The following DHRS4L2 variants were observed in gnomAD, a reference collection of about 807,000 sequenced individuals.
The protein encoded by DHRS4L2 is dehydrogenase/reductase 4 like 2.
In DHRS4L2, 22 loss-of-function variants were observed where a neutral mutation model predicts 23.9. The observed-to-expected ratio is 0.92, with a 90% CI of 0.66 to 1.31. The LOEUF is 1.31. Ranked by LOEUF, DHRS4L2 falls within the 40% of genes most tolerant of loss-of-function variation. The probability of loss-of-function intolerance (pLI) is 0.00; values close to 1 mark genes in which losing one functional copy is unlikely to be tolerated. For missense variants in DHRS4L2, 385 were observed against 303.3 expected (o/e 1.27, Z -2.00); for synonymous variants, 141 against 123.7 (o/e 1.14, Z -0.93).
At chr14:23,993,245 T>C (rs1453002944) in intron 2 of DHRS4L2, among the ~76,000 whole-genome samples, 8 of 151,676 alleles carry the variant, frequency 5.3e-5, no homozygotes, top group Non-Finnish European at 2.9e-5. Flanking sequence ...CCAGGTGACT[T>C]GGCTTTGTGC....
At chr14:23,993,816 C>T (rs1190834596) in intron 2 of DHRS4L2, among the ~76,000 whole-genome samples, 1 of 151,618 alleles carries the variant, frequency 6.6e-6, no homozygotes, top group Non-Finnish European at 1.5e-5. Context: ...GGTATCTTCT[C>T]CCATCATGGC....
At chr14:23,972,164 A>G (rs1453128881) in intron 1 of DHRS4L2, among the ~76,000 whole-genome samples, 2 of 152,086 alleles carry the variant, frequency 1.3e-5, no homozygotes, top group African/African-American at 4.8e-5. Context: ...ACTGACTTCA[A>G]GAATGAAGCT....
intron 1 of DHRS4L2, among the ~76,000 whole-genome samples, chr14:23,975,576 A>T (rs1235457702): frequency 6.6e-6 from 1 of 151,772 alleles, no homozygotes; most frequent in African/African-American, 2.4e-5. Context: ...ATTGGAAAAA[A>T]CTACTTTAAA....
chr14:23,975,718 G>A lies in DHRS4L2; in HGVS notation c.-176+5386G>A, dbSNP rs956420708. 7.9e-4 allele frequency among the ~76,000 whole-genome samples: 120 copies of A among 151,798 alleles called. 2 individuals carry two copies. The highest frequency in any genetic ancestry group is 3.4e-3 in the Middle Eastern group (1 of 294). ...ACAGTAACCAAAACAGCATGGTACCGGTACCAAAACATATCTAGACCAATG... is the reference window on the plus strand; with the variant it reads ...ACAGTAACCAAAACAGCATGGTACCAGTACCAAAACATATCTAGACCAATG... On this transcript the variant is annotated intron_variant, in intron 1 of 5. Transcript: ENST00000534993.
chr14:23,990,299 C>T lies in DHRS4L2; in HGVS notation c.246C>T (p.Ser82=), dbSNP rs777648090. 5.2e-5 allele frequency: 84 copies of T among 1,612,092 alleles called. No individual in the cohort carries two copies. The highest frequency in any genetic ancestry group is 2.2e-4 in the Admixed American group (13 of 59,906). The part of the protein sequence containing the change: ...AVATLQGEGL[S]VTGTVCHVGK... ...CCACGCTGCAGGGGGAGGGGCTGAG[C>T]GTGACGGGCACTGTGTGCCATGTGG... The change falls in exon 2 of 8, where the codon AGC becomes AGT. Residue 82 remains serine (S), a synonymous_variant. Coordinates refer to ENST00000335125, the MANE Select transcript of DHRS4L2 (RefSeq NM_198083.4).
chr14:23,986,520 AG>A (rs1420588607), upstream of DHRS4L2, among the ~76,000 whole-genome samples: 1 of 141,622 alleles, frequency 7.1e-6, no homozygotes, highest in African/African-American at 2.6e-5. Flanking sequence ...AAAAAAAAAA[AG>A]AAAGAAAGAA....
chr14:23,992,752 C>G (rs1167079569), intron 2 of DHRS4L2, among the ~76,000 whole-genome samples: 3 of 150,480 alleles, frequency 2.0e-5, no homozygotes, highest in Non-Finnish European at 4.4e-5. Context: ...GTGACATGAT[C>G]ATAGCTCACT....
At chr14:23,996,664 TCCC>T (rs370306736) in intron 3 of DHRS4L2, among the ~76,000 whole-genome samples, 1 of 136,832 alleles carries the variant, frequency 7.3e-6, no homozygotes, top group Non-Finnish European at 1.5e-5. Context: ...TTTTTTTTTT[TCCC>T]CCTCGCTGTG....
chr14:24,004,403 A>T lies in DHRS4L2; in HGVS notation c.*22+11A>T. ...CCTGCGGATAAGAAGGTAAACTGTC[A>T]TGAGGGCAAGGGCACTAAGAGACAT... is the stretch of plus-strand genomic sequence containing the variant. On this transcript the variant is annotated intron_variant, in intron 7 of 7. Transcript: ENST00000335125. The T allele has an allele frequency of 6.3e-7, 1 of 1,598,826 alleles. No individual in the cohort carries two copies. Among genetic ancestry groups the T allele is most frequent in the East Asian group, 2.3e-5 (1 of 44,034 alleles).
At chr14:23,996,626 C>T (rs1452370896) in intron 3 of DHRS4L2, among the ~76,000 whole-genome samples, 3 of 149,978 alleles carry the variant, frequency 2.0e-5, no homozygotes, top group Admixed American at 1.3e-4. Flanking sequence ...TTTTTTTAGA[C>T]AGACTCTTGC....
chr14:23,997,476 ACTT>A (rs2138551740), intron 3 of DHRS4L2, among the ~76,000 whole-genome samples: 1 of 117,138 alleles, frequency 8.5e-6, no homozygotes, highest in Non-Finnish European at 1.7e-5. Context: ...CCACAGTAGA[ACTT>A]CTTTCAAAAT....
At position 24,005,992 on chromosome 14, in the gene DHRS4L2, C is replaced by G. The variant is rs775872621; in HGVS notation, c.*129C>G. 6.2e-7 allele frequency: 1 copy of G among 1,607,854 alleles called. No individual in the cohort carries two copies. Among genetic ancestry groups the G allele is most frequent in the Non-Finnish European group, 8.5e-7 (1 of 1,177,716 alleles). On this transcript the variant is annotated 3_prime_UTR_variant, in exon 8 of 8. Coordinates refer to ENST00000335125, the MANE Select transcript of DHRS4L2 (RefSeq NM_198083.4). ...GGTGGTGGGTGGAGGAACCCCGTCC[C>G]GCCTCTGAGGACCGGGAGACAGCCC...
At chr14:23,970,304 C>A (rs1248635975) in exon 1 of DHRS4L2, 2 of 440,302 alleles carry the variant, frequency 4.5e-6, no homozygotes, top group African/African-American at 2.1e-5. Flanking sequence ...GTCCCTGGAG[C>A]ATCCTCCGCT....
At chr14:23,994,422 G>A (rs2034333631) in intron 2 of DHRS4L2, among the ~76,000 whole-genome samples, 1 of 151,712 alleles carries the variant, frequency 6.6e-6, no homozygotes, top group South Asian at 2.1e-4. Context: ...CCAACTTCCT[G>A]GTGGCTTGTG....
chr14:23,974,732 G>C (rs1594451194), intron 1 of DHRS4L2, among the ~76,000 whole-genome samples: 1 of 151,812 alleles, frequency 6.6e-6, no homozygotes, highest in Non-Finnish European at 1.5e-5. Context: ...ACCAATAACA[G>C]CTTCTGAAAT....
chr14:23,980,711 T>C lies in DHRS4L2; in HGVS notation c.-175-9471T>C, dbSNP rs940836757. ...AGAACCAATGACAAAAACCACATGATTATCTCAATAGATGCAGAAAAGACC... is the reference window on the plus strand; with the variant it reads ...AGAACCAATGACAAAAACCACATGACTATCTCAATAGATGCAGAAAAGACC... On this transcript the variant is annotated intron_variant, in intron 1 of 5. Transcript: ENST00000534993. 4.5e-4 allele frequency among the ~76,000 whole-genome samples: 68 copies of C among 150,770 alleles called. 3 individuals carry two copies. Among genetic ancestry groups the C allele is most frequent in the Non-Finnish European group, 4.4e-5 (3 of 67,758 alleles).
upstream of DHRS4L2, among the ~76,000 whole-genome samples, chr14:23,988,215 G>C (rs1219452086): frequency 6.7e-6 from 1 of 150,238 alleles, no homozygotes; most frequent in Non-Finnish European, 1.5e-5. Context: ...AGTGCCCCGA[G>C]TTCTTTGCAT....
intron 2 of DHRS4L2, among the ~76,000 whole-genome samples, chr14:23,994,012 C>G (rs1449915385): frequency 2.6e-5 from 4 of 151,656 alleles, no homozygotes; most frequent in Non-Finnish European, 5.9e-5. Context: ...TTAGCTAGCC[C>G]CAGTGTGCCA....
Position 23,990,204 on chromosome 14 carries a change from C to T in DHRS4L2, c.151C>T (p.Arg51Cys), listed in dbSNP as rs146647822. The T allele has an allele frequency of 1.1e-5, 18 of 1,612,744 alleles. No homozygotes were observed. Among genetic ancestry groups the T allele is most frequent in the Middle Eastern group, 1.7e-4 (1 of 6,054 alleles). The change falls in exon 2 of 8, where the codon CGT (arginine) becomes TGT (cysteine). Residue 51 changes from arginine to cysteine, a missense_variant. Coordinates refer to ENST00000335125, the MANE Select transcript of DHRS4L2 (RefSeq NM_198083.4). ...TDGIGFAIAR[R>C]LAQDRAHVVV... is the part of the protein sequence containing the mutation. Reference sequence around the variant, plus strand: ...CAGGATCGGCTTCGCCATCGCCCGGCGTTTGGCCCAGGACAGGGCCCACGT... The same window carrying T: ...CAGGATCGGCTTCGCCATCGCCCGGTGTTTGGCCCAGGACAGGGCCCACGT...
Sources: allele counts gnomAD v4.1 joint callset (sites outside exome capture counted in the v4.1 genomes callset), GRCh38; gene constraint gnomAD v4.1.1; transcripts MANE v1.5; gene names NCBI Gene and HGNC (gene_info 2026-07-23, HGNC 2026-07-21).